Variants in CC2D2B observed in about 807,000 individuals in gnomAD.
CC2D2B encodes protein CC2D2B.
In CC2D2B, 128 loss-of-function variants were observed where a neutral mutation model predicts 161.2. The observed-to-expected ratio is 0.79, with a 90% CI of 0.69 to 0.92. The LOEUF (loss-of-function observed/expected upper bound fraction) is 0.92. CC2D2B is among the 40% of genes least tolerant of loss of function. The probability of loss-of-function intolerance (pLI) is 0.00; values close to 1 mark genes in which losing one functional copy is unlikely to be tolerated. For synonymous variants in CC2D2B, 391 were observed against 449.8 expected (o/e 0.87, Z 1.65); for missense variants, 1,173 against 1,375.1 (o/e 0.85, Z 2.32).
At chr10:96,000,236 C>A (rs755052222) in intron 24 of CC2D2B, 9 of 1,235,808 alleles carry the variant, frequency 7.3e-6, no homozygotes, top group Non-Finnish European at 9.1e-6. Flanking sequence ...TTTTCCTTTG[C>A]GTTCATCATT....
At chr10:95,947,113 A>ATTTTTTTTTT (rs753866384) in intron 9 of CC2D2B, among the ~76,000 whole-genome samples, 3 of 48,374 alleles carry the variant, frequency 6.2e-5, no homozygotes, top group African/African-American at 2.8e-4. Flanking sequence ...ATATATATAT[A>ATTTTTTTTTT]TTTTTTTTTT....
At chr10:96,029,288 A>ATATATATATATG (rs1564689323) in intron 34 of CC2D2B, among the ~76,000 whole-genome samples, 8 of 74,484 alleles carry the variant, frequency 1.1e-4, no homozygotes, top group Admixed American at 2.4e-4. Context: ...ATATATATGT[A>ATATATATATATG]TATATATATA....
At chr10:95,979,562 A>C (rs1385600615) in intron 17 of CC2D2B, among the ~76,000 whole-genome samples, 1 of 152,180 alleles carries the variant, frequency 6.6e-6, no homozygotes, top group Non-Finnish European at 1.5e-5. Context: ...AACTGAGCCC[A>C]CAACCACCAT....
chr10:96,025,176 T>TAAAAA (rs2079673861), intron 33 of CC2D2B, among the ~76,000 whole-genome samples: 2 of 10,290 alleles, frequency 1.9e-4, no homozygotes, highest in Non-Finnish European at 3.8e-4. Flanking sequence ...TATATATATA[T>TAAAAA]ATATATATAA....
chr10:95,930,207 G>C (rs2098547449), intron 6 of CC2D2B, among the ~76,000 whole-genome samples: 1 of 152,008 alleles, frequency 6.6e-6, no homozygotes, highest in East Asian at 1.9e-4. Context: ...GTCTGTTATT[G>C]GTGTATAAGA....
chr10:95,976,430 C>T (rs957043432), intron 17 of CC2D2B, among the ~76,000 whole-genome samples: 1 of 152,194 alleles, frequency 6.6e-6, no homozygotes, highest in Non-Finnish European at 1.5e-5. Context: ...GGACAGATGA[C>T]AGGTTTCAGC....
chr10:95,957,474 G>C (rs2076605469), intron 11 of CC2D2B, among the ~76,000 whole-genome samples: 2 of 151,518 alleles, frequency 1.3e-5, no homozygotes, highest in Admixed American at 1.3e-4. Context: ...CCAGGGAAAG[G>C]CATCAACTCA....
intron 19 of CC2D2B, among the ~76,000 whole-genome samples, chr10:95,985,531 T>G (rs542033899): frequency 6.6e-6 from 1 of 152,348 alleles, no homozygotes; most frequent in East Asian, 1.9e-4. Flanking sequence ...GTCTTTACTT[T>G]AATCTCTTAA....
In CC2D2B at chr10:95,982,043, T is replaced by C; in HGVS notation, c.2012T>C (p.Phe671Ser). Reference protein sequence around the residue: ...IPWLMNEQKLFEWANEVRIDP... With the variant: ...IPWLMNEQKLSEWANEVRIDP... ...TGGCTCATGAATGAACAGAAGCTTT[T>C]TGAATGGGCAAATGAAGTCAGAATT... Residue 671 changes from phenylalanine to serine, a missense_variant, in exon 18 of 35, where the codon TTT (phenylalanine) becomes TCT (serine). Transcript: ENST00000646931. 4 of 1,231,232 alleles carry C rather than the reference T, an allele frequency of 3.2e-6. No homozygotes were observed. Among genetic ancestry groups the C allele is most frequent in the Non-Finnish European group, 4.1e-6 (4 of 987,168 alleles). The allele number at this position is 1,231,232 out of a possible 1,614,324, so 76.3% of individuals were successfully genotyped here.
At chr10:96,003,579 C>T (rs10450395) in intron 24 of CC2D2B, among the ~76,000 whole-genome samples, 18,789 of 122,252 alleles carry the variant, frequency 0.15, 1,262 homozygotes, top group Middle Eastern at 0.21. Context: ...CCACCAGGCC[C>T]GGCTAATTGT....
chr10:96,025,172 T>TAAAAAAAAAAAAA (rs1564683838), intron 33 of CC2D2B, among the ~76,000 whole-genome samples: 35 of 17,618 alleles, frequency 2.0e-3, no homozygotes, highest in East Asian at 8.2e-3. Context: ...TATATATATA[T>TAAAAAAAAAAAAA]ATATATATAT....
rs899759682 is a variant in CC2D2B at position 95,992,331 on chromosome 10, A to AT, written c.2472-195dup. Among the ~76,000 whole-genome samples the AT allele has an allele frequency of 7.5e-4, 114 of 152,298 alleles. 1 individual carries two copies. The highest frequency in any genetic ancestry group is 2.7e-3 in the African/African-American group (111 of 41,564). Reference sequence around the variant, plus strand: ...AGGAGCAATCACAGTCTCTCTCAACATGAAGGAACATAGCATCTCTTCCTT... The same window carrying AT: ...AGGAGCAATCACAGTCTCTCTCAACATTGAAGGAACATAGCATCTCTTCCTT... On this transcript the variant is annotated intron_variant, in intron 21 of 34. Coordinates refer to ENST00000646931, the MANE Select transcript of CC2D2B (RefSeq NM_001349008.3).
In CC2D2B at chr10:95,947,518, C is replaced by G. The variant is rs1042778461; in HGVS notation, c.802-2378C>G. On this transcript the variant is annotated intron_variant, in intron 9 of 34. Coordinates refer to ENST00000646931, the MANE Select transcript of CC2D2B (RefSeq NM_001349008.3). ...CAGCACTTTGGGAGGCCGAGGTGGG[C>G]AGATCACGAGGTCAGGAGATCAAGA... Among the ~76,000 whole-genome samples, 14 of 151,852 alleles carry G rather than the reference C, an allele frequency of 9.2e-5. No individual in the cohort carries two copies. The East Asian group carries it at 1.4e-3, about 15-fold the overall frequency.
chr10:95,929,978 C>T (rs2098546895), intron 6 of CC2D2B, among the ~76,000 whole-genome samples: 1 of 152,148 alleles, frequency 6.6e-6, no homozygotes, highest in Non-Finnish European at 1.5e-5. Flanking sequence ...CTATAAATTA[C>T]TTTGGGCAGT....
chr10:96,002,187 T>C (rs181558212), intron 24 of CC2D2B, among the ~76,000 whole-genome samples: 1 of 152,256 alleles, frequency 6.6e-6, no homozygotes, highest in Admixed American at 6.5e-5. Context: ...TCCTTGCAAT[T>C]ATAGCAGTGA....
intron 6 of CC2D2B, among the ~76,000 whole-genome samples, chr10:95,930,994 G>A (rs1361395809): frequency 2.0e-5 from 3 of 152,106 alleles, no homozygotes; most frequent in African/African-American, 7.2e-5. Flanking sequence ...GGTAGAATTC[G>A]GCTGTGAATC....
At chr10:95,929,132 G>A (rs571429216) in intron 6 of CC2D2B, among the ~76,000 whole-genome samples, 42 of 152,204 alleles carry the variant, frequency 2.8e-4, no homozygotes, top group African/African-American at 9.6e-4. Context: ...GCTTTGATTT[G>A]CATTTCTCTA....
intron 34 of CC2D2B, among the ~76,000 whole-genome samples, chr10:96,028,826 A>G (rs2141979800): frequency 6.6e-6 from 1 of 152,320 alleles, no homozygotes; most frequent in Non-Finnish European, 1.5e-5. Context: ...ATTTGCATCA[A>G]CATGGATGGA....
intron 30 of CC2D2B, chr10:96,018,715 GTTTGT>G (rs1188459760): frequency 6.8e-6 from 1 of 147,716 alleles, no homozygotes; most frequent in African/African-American, 2.5e-5. Flanking sequence ...TGGAGCTTTG[GTTTGT>G]TTTTTCTTTT....
Sources: gnomAD v4.1 joint callset for allele counts (sites outside exome capture counted in the v4.1 genomes callset) on GRCh38, gnomAD v4.1.1 for gene constraint, MANE v1.5 for transcripts, NCBI Gene and HGNC (gene_info 2026-07-23, HGNC 2026-07-21) for gene names.